The following ROCK2 variants were observed in gnomAD, a reference collection of about 807,000 sequenced individuals.
ROCK2 encodes rho-associated protein kinase 2.
Under a neutral mutation model 195.1 loss-of-function variants are expected in ROCK2, and 61 were observed. The observed-to-expected ratio is 0.31, with a 90% CI of 0.25 to 0.39. ROCK2 has a LOEUF of 0.39. Among genes scored for constraint, ROCK2 ranks in the 10% least tolerant of loss-of-function variants. The pLI is 1.00. For missense variants in ROCK2, 1,109 were observed against 1,637.4 expected (o/e 0.68, Z 5.57); for synonymous variants, 504 against 545.5 (o/e 0.92, Z 1.06).
Position 11,278,850 on chromosome 2 carries a change from T to G in ROCK2, c.324+7689A>C, listed in dbSNP as rs745377997. 4.6e-5 allele frequency among the ~76,000 whole-genome samples: 7 copies of G among 152,194 alleles called. 1 individual carries two copies. The East Asian group carries it at 1.4e-3, about 29-fold the overall frequency. Reference sequence around the variant, plus strand: ...GCTGGTCTCGAATTCCTGACCTCAGTTGATCCACCCGCCTTGGCCTCTCAA... The same window carrying G: ...GCTGGTCTCGAATTCCTGACCTCAGGTGATCCACCCGCCTTGGCCTCTCAA... On this transcript the variant is annotated intron_variant, in intron 3 of 32. Coordinates refer to ENST00000315872, the MANE Select transcript of ROCK2 (RefSeq NM_004850.5).
At chr2:11,249,893 T>A in intron 3 of ROCK2, 95 bp from the exon 4 acceptor site, 1 of 1,049,680 alleles carries the variant, frequency 9.5e-7, no homozygotes, top group Non-Finnish European at 1.3e-6. Flanking sequence ...AGACTTCAGT[T>A]ACAAAAAAAT....
intron 1 of ROCK2, among the ~76,000 whole-genome samples, chr2:11,334,955 A>G (rs1017255588): frequency 3.6e-5 from 5 of 139,836 alleles, no homozygotes; most frequent in African/African-American, 1.2e-4. Flanking sequence ...TGACAAAAAA[A>G]AATTATAAAG....
At chr2:11,223,844 G>C (rs938691760) in intron 7 of ROCK2, among the ~76,000 whole-genome samples, 4 of 152,076 alleles carry the variant, frequency 2.6e-5, no homozygotes, top group Non-Finnish European at 5.9e-5. Context: ...GTTTTTAAAA[G>C]TATGGAATTT....
At chr2:11,283,582 A>AAAAAAAAGAAAG (rs777307547) in intron 3 of ROCK2, among the ~76,000 whole-genome samples, 27 of 15,154 alleles carry the variant, frequency 1.8e-3, no homozygotes, top group Non-Finnish European at 5.8e-3. Flanking sequence ...AAAAAAAAAA[A>AAAAAAAAGAAAG]AAAGCAAGAA....
rs182744728 is a variant in ROCK2 at position 11,240,476 on chromosome 2, C to A, written c.463-4514G>T. 2.6e-5 allele frequency among the ~76,000 whole-genome samples: 4 copies of A among 152,300 alleles called. No individual in the cohort carries two copies. In the East Asian group the frequency reaches 7.7e-4, roughly 29 times the overall value. ...TAACAAACGTTACAATGTGGATGAA[C>A]CTTAAAAACAGTATGCTAAGGAAAA... On this transcript the variant is annotated intron_variant, in intron 4 of 32. Coordinates refer to ENST00000315872, the MANE Select transcript of ROCK2 (RefSeq NM_004850.5).
In ROCK2 at chr2:11,192,155, T is replaced by G; in HGVS notation, c.4156A>C (p.Lys1386Gln). The G allele has an allele frequency of 1.3e-6, 2 of 1,596,150 alleles. No homozygotes were observed. The highest frequency in any genetic ancestry group is 1.7e-6 in the Non-Finnish European group (2 of 1,172,772). ...RRPSRQLAPN[K>Q]PS The stretch of plus-strand genomic sequence containing the variant: ...CACATTTTAGTTTATTACCTAGGTT[T>G]GTTTGGGGCAAGCTGTCGACTTGGC... Residue 1386 changes from lysine (K) to glutamine (Q), a missense_variant, in exon 32 of 33, where the codon AAA becomes CAA. Lys to Gln is a moderately conservative substitution (Grantham distance 53, BLOSUM62 1). Coordinates refer to ENST00000315872, the MANE Select transcript of ROCK2 (RefSeq NM_004850.5). The surrounding 1 kb of genome is among the most constrained non-coding windows in gnomAD (Gnocchi z 5.0).
intron 23 of ROCK2, among the ~76,000 whole-genome samples, chr2:11,199,782 T>G (rs1267820780): frequency 6.6e-6 from 1 of 152,234 alleles, no homozygotes; most frequent in African/African-American, 2.4e-5. Flanking sequence ...TCATGGACAT[T>G]TGAGTTTTTG....
chr2:11,218,861 A>G, intron 10 of ROCK2, 105 bp downstream of exon 10: 1 of 615,692 alleles, frequency 1.6e-6, no homozygotes, highest in East Asian at 2.8e-5. Context: ...ATGCCATCTC[A>G]TGATTTTAAA....
At chr2:11,258,445 C>A (rs1484658353) in intron 3 of ROCK2, among the ~76,000 whole-genome samples, 1 of 151,378 alleles carries the variant, frequency 6.6e-6, no homozygotes, top group East Asian at 1.9e-4. Flanking sequence ...TTAGTTAATT[C>A]TTTTTTAAAA....
At chr2:11,268,388 G>A (rs1666494285) in intron 3 of ROCK2, among the ~76,000 whole-genome samples, 1 of 152,158 alleles carries the variant, frequency 6.6e-6, no homozygotes. Flanking sequence ...TTCCAAGAGG[G>A]TTAAAGGGAA....
At chr2:11,334,239 G>A (rs1034249324) in intron 1 of ROCK2, among the ~76,000 whole-genome samples, 31 of 152,194 alleles carry the variant, frequency 2.0e-4, no homozygotes, top group African/African-American at 4.6e-4. Flanking sequence ...GAGGCCAGGC[G>A]CAGTGACTTG....
At chr2:11,255,928 C>CAAAAAAAAAAA (rs57678031) in intron 3 of ROCK2, among the ~76,000 whole-genome samples, 1 of 33,068 alleles carries the variant, frequency 3.0e-5, no homozygotes, top group Non-Finnish European at 5.1e-5. Flanking sequence ...GACTCCATCT[C>CAAAAAAAAAAA]AAAAAAAAAA....
At chr2:11,318,923 G>C (rs1239815676) in intron 1 of ROCK2, among the ~76,000 whole-genome samples, 1 of 152,110 alleles carries the variant, frequency 6.6e-6, no homozygotes, top group East Asian at 1.9e-4. Flanking sequence ...TAGATGTGTG[G>C]TATTATTTCT....
rs371448787 is a variant in ROCK2 at position 11,308,785 on chromosome 2, C to A, written c.142-21049G>T. On this transcript the variant is annotated intron_variant, in intron 1 of 32. Transcript: ENST00000315872. ...AGCCTAAAAAAAGGTTTACCAGCAC[C>A]AAGTGTTTTGCTTTCATGGAGATGG... is the stretch of plus-strand genomic sequence containing the variant. The A allele has an allele frequency of 5.0e-6, 8 of 1,612,124 alleles. No homozygotes were observed. In the African/African-American group the frequency reaches 1.1e-4, roughly 22 times the overall value.
chr2:11,321,045 T>A (rs1027896407), intron 1 of ROCK2, among the ~76,000 whole-genome samples: 2 of 152,188 alleles, frequency 1.3e-5, no homozygotes, highest in African/African-American at 2.4e-5. Flanking sequence ...CTAGCCAGAA[T>A]GGAAAACCCT....
chr2:11,231,578 T>A (rs956720634), intron 5 of ROCK2, among the ~76,000 whole-genome samples: 6 of 152,190 alleles, frequency 3.9e-5, no homozygotes, highest in African/African-American at 1.4e-4. Context: ...ATAAAATGCA[T>A]GACACGCAAA....
In ROCK2 at chr2:11,197,422, A is replaced by T; in HGVS notation, c.3280-74T>A. The T allele has an allele frequency of 6.5e-7, 1 of 1,528,176 alleles. No individual in the cohort carries two copies. The highest frequency in any genetic ancestry group is 8.9e-7 in the Non-Finnish European group (1 of 1,120,284). The allele number at this position is 1,528,176 out of a possible 1,614,324, so 94.7% of individuals were successfully genotyped here. ...ACATTTTGCTTCTTGGTTCAATAAT[A>T]ATTATTAAATAGAAATGGTCTATAA... On this transcript the variant is annotated intron_variant, in intron 26 of 32. Coordinates refer to ENST00000315872, the MANE Select transcript of ROCK2 (RefSeq NM_004850.5). The surrounding 1 kb of genome is among the most constrained non-coding windows in gnomAD (Gnocchi z 4.9).
chr2:11,219,385 C>A (rs1315612950), intron 9 of ROCK2, among the ~76,000 whole-genome samples: 1 of 147,400 alleles, frequency 6.8e-6, no homozygotes, highest in East Asian at 2.0e-4. Context: ...GTGGTGGACA[C>A]CTGTAGTACC....
intron 4 of ROCK2, among the ~76,000 whole-genome samples, chr2:11,240,115 C>T (rs1665371286): frequency 6.6e-6 from 1 of 152,212 alleles, no homozygotes; most frequent in Non-Finnish European, 1.5e-5. Context: ...GGCCCCATTA[C>T]ACAGACATGA....
Sources: gnomAD v4.1 joint callset for allele counts (sites outside exome capture counted in the v4.1 genomes callset) on GRCh38, gnomAD v4.1.1 for gene constraint, Gnocchi (gnomAD v3.1) non-coding constraint, MANE v1.5 for transcripts, NCBI Gene and HGNC (gene_info 2026-07-23, HGNC 2026-07-21) for gene names.